Variants in PRP4K observed in about 807,000 individuals in gnomAD.
The protein encoded by PRP4K is pre-mRNA processing factor kinase PRP4K.
chr6:4,032,722 G>C, the PRP4K span: 2 of 1,585,088 alleles, frequency 1.3e-6, no homozygotes, highest in Non-Finnish European at 1.7e-6. Context: ...AGAAAACGAC[G>C]AGAACCAGAG....
chr6:4,048,600 A>G, the PRP4K span, among the ~76,000 whole-genome samples: 3 of 151,938 alleles, frequency 2.0e-5, no homozygotes, highest in African/African-American at 7.3e-5. Context: ...CCTCTGTCCT[A>G]GACTAAAGTG....
the PRP4K span, among the ~76,000 whole-genome samples, chr6:4,035,587 G>T: frequency 6.6e-6 from 1 of 152,104 alleles, no homozygotes; most frequent in South Asian, 2.1e-4. Flanking sequence ...AGTCTACCTT[G>T]CTCATTTTGG....
the PRP4K span, chr6:4,061,481 T>C: frequency 6.5e-6 from 1 of 152,684 alleles, no homozygotes; most frequent in African/African-American, 2.4e-5. Context: ...TTTCATTTAC[T>C]AATTACAAAT....
the PRP4K span, among the ~76,000 whole-genome samples, chr6:4,048,680 G>C: frequency 6.6e-6 from 1 of 151,886 alleles, no homozygotes; most frequent in African/African-American, 2.4e-5. Context: ...CGATCTTCCT[G>C]CCTCAGCCTA....
the PRP4K span, chr6:4,047,152 C>CA: frequency 6.3e-7 from 1 of 1,575,082 alleles, no homozygotes; most frequent in Non-Finnish European, 8.7e-7. Context: ...ACTTTTCAAA[C>CA]ATTAATGCTA....
the PRP4K span, chr6:4,058,608 G>A: frequency 2.6e-6 from 2 of 773,396 alleles, no homozygotes; most frequent in African/African-American, 1.8e-5. Context: ...GGGAATCTGA[G>A]ATCAAACAAA....
the PRP4K span, among the ~76,000 whole-genome samples, chr6:4,041,245 T>G: frequency 6.6e-6 from 1 of 152,176 alleles, no homozygotes; most frequent in African/African-American, 2.4e-5. Flanking sequence ...TTGGGAGGAA[T>G]TTTCTATAAA....
the PRP4K span, chr6:4,032,114 G>A: frequency 6.2e-7 from 1 of 1,612,898 alleles, no homozygotes; most frequent in African/African-American, 1.3e-5. Context: ...CTGATAAAAA[G>A]AAAAGTAAGG....
At chr6:4,049,718 A>G in the PRP4K span, 4 of 1,600,888 alleles carry the variant, frequency 2.5e-6, no homozygotes, top group Non-Finnish European at 1.7e-6. Context: ...TAATTTTTCA[A>G]TTTGCCTTTT....
the PRP4K span, chr6:4,037,390 C>A: frequency 6.3e-7 from 1 of 1,597,428 alleles, no homozygotes; most frequent in Admixed American, 1.7e-5. Flanking sequence ...CATTTGATCC[C>A]CTTAAGAACA....
the PRP4K span, among the ~76,000 whole-genome samples, chr6:4,021,807 C>T: frequency 2.0e-5 from 3 of 152,148 alleles, no homozygotes; most frequent in African/African-American, 7.2e-5. Context: ...ATCTGAGCTC[C>T]CTGGCCGCAG....
chr6:4,033,737 A>T, the PRP4K span, among the ~76,000 whole-genome samples: 1 of 152,224 alleles, frequency 6.6e-6, no homozygotes, highest in Non-Finnish European at 1.5e-5. Context: ...AAGTGAAGTC[A>T]TCATATTTTC....
At chr6:4,056,779 A>C in the PRP4K span, 2 of 1,366,730 alleles carry the variant, frequency 1.5e-6, no homozygotes, top group Non-Finnish European at 2.0e-6. Context: ...CAAAGGCGAA[A>C]TGAGAAAAGA....
chr6:4,048,271 C>T, the PRP4K span, among the ~76,000 whole-genome samples: 366 of 150,378 alleles, frequency 2.4e-3, 2 homozygotes, highest in African/African-American at 8.3e-3. Flanking sequence ...CCCAGCTACT[C>T]GGGAGGCTGA....
the PRP4K span, among the ~76,000 whole-genome samples, chr6:4,035,730 G>T: frequency 2.0e-5 from 3 of 152,150 alleles, no homozygotes; most frequent in Non-Finnish European, 4.4e-5. Flanking sequence ...ACTTTGGGGA[G>T]GCTGAGACGG....
At chr6:4,035,703 C>A in the PRP4K span, among the ~76,000 whole-genome samples, 1 of 152,136 alleles carries the variant, frequency 6.6e-6, no homozygotes, top group Non-Finnish European at 1.5e-5. Context: ...TGCAGTGGCT[C>A]ACGCCTGTGT....
chr6:4,043,242 A>C, the PRP4K span, among the ~76,000 whole-genome samples: 4 of 152,198 alleles, frequency 2.6e-5, no homozygotes, highest in African/African-American at 9.7e-5. Context: ...ACCAGAAAGG[A>C]AGTAGGGCAA....
chr6:4,034,195 A>T, the PRP4K span, among the ~76,000 whole-genome samples: 1 of 152,052 alleles, frequency 6.6e-6, no homozygotes, highest in Admixed American at 6.6e-5. Context: ...TATTATTCAT[A>T]TTCACATGTG....
the PRP4K span, among the ~76,000 whole-genome samples, chr6:4,027,613 T>TGGGTG: frequency 5.2e-5 from 2 of 38,550 alleles, no homozygotes; most frequent in Non-Finnish European, 5.0e-5. Context: ...GGGGGTGGGG[T>TGGGTG]GGGGGTTGGT....
Sources: gnomAD v4.1 joint callset for allele counts (sites outside exome capture counted in the v4.1 genomes callset) on GRCh38, gnomAD v4.1.1 for gene constraint, MANE v1.5 for transcripts, NCBI Gene and HGNC (gene_info 2026-07-23, HGNC 2026-07-21) for gene names.